The following CLCN3 variants were observed in gnomAD, a reference collection of about 807,000 sequenced individuals.
CLCN3 encodes the protein H(+)/Cl(-) exchange transporter 3.
Under a neutral mutation model 83.4 loss-of-function variants are expected in CLCN3, and 16 were observed. The observed-to-expected ratio is 0.19, with a 90% CI of 0.13 to 0.29. The LOEUF (loss-of-function observed/expected upper bound fraction) is 0.29. Ranked by LOEUF, CLCN3 falls within the 10% of genes least tolerant of loss-of-function variation. The pLI is 1.00. For synonymous variants in CLCN3, 322 were observed against 346.2 expected, an observed-to-expected ratio of 0.93 and a Z score of 0.78; for missense variants, 544 against 1,006.0, an observed-to-expected ratio of 0.54 and a Z score of 6.21.
chr4:169,663,489 C>T, intron 2 of CLCN3: 1 of 285,366 alleles, frequency 3.5e-6, no homozygotes, highest in Non-Finnish European at 6.9e-6. Flanking sequence ...AACACCTTGC[C>T]TGGCTAATTT....
chr4:169,704,038 C>T lies in CLCN3; in HGVS notation c.1604C>T (p.Ala535Val), dbSNP rs762030200. ...GLFIPSMAIG[A>V]IAGRIVGIAV... is the part of the protein sequence containing the mutation. The stretch of plus-strand genomic sequence containing the variant: ...TTCATCCCCAGCATGGCCATTGGAG[C>T]GATCGCAGGAAGGATTGTGGGGATT... The change falls in exon 10 of 13, where the codon GCG becomes GTG. Residue 535 changes from alanine to valine, a missense_variant. Physicochemically the swap from Ala to Val is moderately conservative, Grantham distance 64. This residue lies in a region of CLCN3 where 194 missense variants were observed against 341.4 expected (regional missense o/e 0.57). Coordinates refer to ENST00000513761, the MANE Select transcript of CLCN3 (RefSeq NM_001829.4). The T allele has an allele frequency of 1.2e-6, 2 of 1,614,038 alleles. No homozygotes were observed. The highest frequency in any genetic ancestry group is 1.7e-6 in the Non-Finnish European group (2 of 1,179,972).
Position 169,621,082 on chromosome 4 carries a change from G to A in CLCN3, c.-17+19G>A, listed in dbSNP as rs376117994. ...CTGCGAGGTGAGTTGCATTGTATGAGCGAAGAGTTGTCAGCTCTCCTGTTC... is the reference window on the plus strand; with the variant it reads ...CTGCGAGGTGAGTTGCATTGTATGAACGAAGAGTTGTCAGCTCTCCTGTTC... On this transcript the variant is annotated intron_variant, in intron 1 of 12. Coordinates refer to ENST00000513761, the MANE Select transcript of CLCN3 (RefSeq NM_001829.4). 2 of 396,696 alleles carry A rather than the reference G, an allele frequency of 5.0e-6. No homozygotes were observed. Among genetic ancestry groups the A allele is most frequent in the East Asian group, 3.6e-5 (1 of 28,012 alleles). The allele number at this position is 396,696 out of a possible 1,614,324, so 24.6% of individuals were successfully genotyped here. A position where few individuals can be genotyped will look rare whatever the true frequency, so the allele number is the denominator to read the frequency against.
Sources: gnomAD v4.1 joint callset for allele counts on GRCh38, gnomAD v4.1.1 for gene constraint, gnomAD v4.1.1 regional missense constraint, MANE v1.5 for transcripts, NCBI Gene and HGNC (gene_info 2026-07-23, HGNC 2026-07-21) for gene names.